The following CACNA2D3 variants were observed in gnomAD, a reference collection of about 807,000 sequenced individuals.
CACNA2D3 encodes the protein calcium voltage-gated channel auxiliary subunit alpha2delta 3.
CACNA2D3 carries 60 observed loss-of-function variants against 160.6 expected under a neutral mutation model. The ratio of observed to expected loss-of-function variants is 0.37; its 90% CI spans 0.30 to 0.46. The LOEUF is 0.46. CACNA2D3 is among the 20% of genes least tolerant of loss of function. CACNA2D3 has a pLI of 1.00. For synonymous variants in CACNA2D3, 558 were observed against 492.9 expected, an observed-to-expected ratio of 1.13 and a Z score of -1.75; for missense variants, 1,205 against 1,365.0, an observed-to-expected ratio of 0.88 and a Z score of 1.85.
chr3:54,151,006 GA>G (rs1423135535), intron 2 of CACNA2D3, among the ~76,000 whole-genome samples: 3 of 151,832 alleles, frequency 2.0e-5, no homozygotes, highest in African/African-American at 7.3e-5. Flanking sequence ...GTGGATAGAT[GA>G]ATGAATGGAT....
At chr3:54,647,157 T>G (rs568526690) in intron 11 of CACNA2D3, among the ~76,000 whole-genome samples, 2 of 152,326 alleles carry the variant, frequency 1.3e-5, no homozygotes, top group East Asian at 3.9e-4. Flanking sequence ...GATTGTAGAC[T>G]TGTAGGATCA....
chr3:54,767,243 T>TA (rs1266206668), intron 13 of CACNA2D3, among the ~76,000 whole-genome samples: 1 of 152,056 alleles, frequency 6.6e-6, no homozygotes, highest in Non-Finnish European at 1.5e-5. Context: ...TTCAAGTGAA[T>TA]AAAAAATTTC....
Position 54,496,185 on chromosome 3 carries a change from G to A in CACNA2D3, c.382-7307G>A, listed in dbSNP as rs144150971. Among the ~76,000 whole-genome samples the A allele has an allele frequency of 7.5e-4, 114 of 152,252 alleles. No individual in the cohort carries two copies. In the East Asian group the frequency reaches 0.02, roughly 27 times the overall value. ...AAATAGCTAGAAGTGGAATTGCTGG[G>A]TCATATGGTAGATATATGTTTAACA... On this transcript the variant is annotated intron_variant, in intron 4 of 37. Transcript: ENST00000474759.
At chr3:54,492,719 G>A (rs937031413) in intron 4 of CACNA2D3, among the ~76,000 whole-genome samples, 18 of 152,190 alleles carry the variant, frequency 1.2e-4, no homozygotes, top group Admixed American at 1.1e-3. Flanking sequence ...GCTCTGATAA[G>A]TCCTTCAATG....
chr3:54,337,610 A>G (rs893685850), intron 3 of CACNA2D3, among the ~76,000 whole-genome samples: 2 of 151,860 alleles, frequency 1.3e-5, no homozygotes, highest in Admixed American at 6.6e-5. Flanking sequence ...GTGGAGGGGG[A>G]TTTATTGATG....
In CACNA2D3 at chr3:54,770,367, T is replaced by TC. The variant is rs375198626; in HGVS notation, c.1380+6018dup. On this transcript the variant is annotated intron_variant, in intron 13 of 37. Coordinates refer to ENST00000474759, the MANE Select transcript of CACNA2D3 (RefSeq NM_018398.3). ...AGATTCGTTTGATGAATCCGATTTT[T>TC]CCAAAATAAGCGATTCTGACGATTC... Among the ~76,000 whole-genome samples, 787 of 152,328 alleles carry TC rather than the reference T, an allele frequency of 5.2e-3. 9 individuals are homozygous for TC. The highest frequency in any genetic ancestry group is 0.018 in the African/African-American group (752 of 41,570).
At chr3:54,851,791 T>G (rs893105633) in intron 17 of CACNA2D3, among the ~76,000 whole-genome samples, 4 of 152,242 alleles carry the variant, frequency 2.6e-5, no homozygotes, top group African/African-American at 9.6e-5. Context: ...AAAATATCAG[T>G]GTTTCAATAT....
At chr3:54,943,159 G>A (rs1183085631) in intron 27 of CACNA2D3, among the ~76,000 whole-genome samples, 3 of 151,070 alleles carry the variant, frequency 2.0e-5, no homozygotes, top group Non-Finnish European at 1.5e-5. Flanking sequence ...CTATGATCAT[G>A]CCACTTCACT....
chr3:54,553,138 A>C (rs1178618279), intron 5 of CACNA2D3, among the ~76,000 whole-genome samples: 1 of 152,208 alleles, frequency 6.6e-6, no homozygotes, highest in East Asian at 1.9e-4. Context: ...CCTGCATTTC[A>C]TGTCTAGCAT....
At chr3:55,067,919 AAAGCATATGGCTAG>A (rs1184761537) in intron 35 of CACNA2D3, among the ~76,000 whole-genome samples, 1 of 152,224 alleles carries the variant, frequency 6.6e-6, no homozygotes, top group African/African-American at 2.4e-5. Flanking sequence ...GAATTCATTT[AAAGCATATGGCTAG>A]AAGCAAGGGG....
At chr3:54,871,447 C>T in intron 17 of CACNA2D3, 92 bp from the exon 18 acceptor site, 1 of 915,524 alleles carries the variant, frequency 1.1e-6, no homozygotes, top group South Asian at 1.5e-5. Context: ...AAGCCCTGTC[C>T]ATGAAACAGG....
chr3:54,520,851 G>T (rs1319980459), intron 5 of CACNA2D3, among the ~76,000 whole-genome samples: 1 of 152,142 alleles, frequency 6.6e-6, no homozygotes, highest in Non-Finnish European at 1.5e-5. Flanking sequence ...TTAGATAAAT[G>T]TAATCATATT....
At chr3:54,711,244 G>A (rs1356825864) in intron 11 of CACNA2D3, among the ~76,000 whole-genome samples, 2 of 152,130 alleles carry the variant, frequency 1.3e-5, no homozygotes, top group East Asian at 1.9e-4. Context: ...GTGCCTCAGC[G>A]CTCCACATTG....
At chr3:54,278,883 A>G (rs1387791843) in intron 2 of CACNA2D3, among the ~76,000 whole-genome samples, 1 of 152,192 alleles carries the variant, frequency 6.6e-6, no homozygotes. Context: ...TACCTAATGT[A>G]GATGACGGGT....
chr3:54,290,406 A>G (rs917845910), intron 2 of CACNA2D3, among the ~76,000 whole-genome samples: 2 of 152,316 alleles, frequency 1.3e-5, no homozygotes, highest in Non-Finnish European at 2.9e-5. Context: ...AAGTCAGGAA[A>G]CAACAGGTGC....
chr3:54,462,191 T>C (rs1357598809), intron 4 of CACNA2D3, among the ~76,000 whole-genome samples: 2 of 152,200 alleles, frequency 1.3e-5, no homozygotes, highest in African/African-American at 4.8e-5. Context: ...AGAGCTTTAC[T>C]TCCCAGTATG....
intron 11 of CACNA2D3, among the ~76,000 whole-genome samples, chr3:54,706,315 A>G (rs1171762834): frequency 1.3e-5 from 2 of 152,232 alleles, no homozygotes; most frequent in Non-Finnish European, 2.9e-5. Context: ...CTTTATCCCA[A>G]CATTTTCTTC....
chr3:54,510,983 A>G (rs1455845300), intron 5 of CACNA2D3, among the ~76,000 whole-genome samples: 2 of 152,182 alleles, frequency 1.3e-5, no homozygotes, highest in Non-Finnish European at 2.9e-5. Flanking sequence ...AAGTGCAAAC[A>G]CGCTCACAAA....
intron 11 of CACNA2D3, among the ~76,000 whole-genome samples, chr3:54,750,709 G>A (rs995023530): frequency 2.0e-5 from 2 of 98,582 alleles, no homozygotes; most frequent in African/African-American, 8.4e-5. Flanking sequence ...GAAAGTGAAC[G>A]GGGGTGCAGC....
Sources: gnomAD v4.1 joint callset for allele counts (sites outside exome capture counted in the v4.1 genomes callset) on GRCh38, gnomAD v4.1.1 for gene constraint, MANE v1.5 for transcripts, NCBI Gene and HGNC (gene_info 2026-07-23, HGNC 2026-07-21) for gene names.